The following ANK1 variants were observed in gnomAD, a reference collection of about 807,000 sequenced individuals.
ANK1 encodes ankyrin-1.
A neutral mutation model predicts 210.4 loss-of-function variants in ANK1; 51 were observed. The ratio of observed to expected loss-of-function variants is 0.24; its 90% CI spans 0.19 to 0.31. ANK1 has a LOEUF of 0.31. Among genes scored for constraint, ANK1 ranks in the 10% least tolerant of loss-of-function variants. The pLI, the probability that ANK1 is intolerant of heterozygous loss-of-function variation, is 1.00. For synonymous variants in ANK1, 967 were observed against 1,025.9 expected (o/e 0.94, Z 1.10); for missense variants, 2,051 against 2,504.4 (o/e 0.82, Z 3.86).
chr8:41,697,108 C>T (rs1289525256), intron 24 of ANK1, among the ~76,000 whole-genome samples: 1 of 152,156 alleles, frequency 6.6e-6, no homozygotes, highest in African/African-American at 2.4e-5. Context: ...CAGCTCTGCC[C>T]ATGGGGAGCC....
chr8:41,682,374 C>T (rs1275456233), intron 37 of ANK1, among the ~76,000 whole-genome samples: 1 of 152,238 alleles, frequency 6.6e-6, no homozygotes, highest in African/African-American at 2.4e-5. Flanking sequence ...TCTCCTGCAC[C>T]ATGCACGTTA....
chr8:41,690,122 C>T, intron 33 of ANK1, 105 bp downstream of exon 33: 1 of 1,555,424 alleles, frequency 6.4e-7, no homozygotes, highest in Non-Finnish European at 8.8e-7. Context: ...CTCTAAGCTT[C>T]CACCAGGAAG....
intron 1 of ANK1, among the ~76,000 whole-genome samples, chr8:41,809,951 T>A (rs781074438): frequency 1.4e-4 from 21 of 151,966 alleles, no homozygotes; most frequent in Non-Finnish European, 2.5e-4. Flanking sequence ...CGGCTGGTGG[T>A]CTCCCACCGT....
chr8:41,737,169 C>T (rs1301033338), intron 2 of ANK1, among the ~76,000 whole-genome samples: 8 of 152,016 alleles, frequency 5.3e-5, no homozygotes, highest in African/African-American at 9.7e-5. Flanking sequence ...TGTGGTGACA[C>T]GCGTCTGTAG....
intron 1 of ANK1, among the ~76,000 whole-genome samples, chr8:41,771,783 AAT>A (rs2150734664): frequency 6.6e-6 from 1 of 152,326 alleles, no homozygotes; most frequent in South Asian, 2.1e-4. Context: ...AAAGGGAAGA[AAT>A]AGACTATGCA....
chr8:41,661,309 C>T (rs1327090188), intron 42 of ANK1, 121 bp downstream of exon 42: 9 of 1,434,872 alleles, frequency 6.3e-6, no homozygotes, highest in Non-Finnish European at 8.5e-6. Flanking sequence ...CCTCGAGACA[C>T]AACAACAAGT....
chr8:41,694,797 C>T lies in ANK1; in HGVS notation c.3122G>A (p.Gly1041Glu), dbSNP rs1422890395. 2 of 1,613,932 alleles carry T rather than the reference C, an allele frequency of 1.2e-6. No homozygotes were observed. The highest frequency in any genetic ancestry group is 1.7e-6 in the Non-Finnish European group (2 of 1,179,990). ...QILNGMDEEL[G>E]SLEELEKKRV... Reference sequence around the variant, plus strand: ...CTTCTTCTCTAGCTCCTCCAGGCTCCCCAGCTCTGGAATCACACACACAGG... The same window carrying T: ...CTTCTTCTCTAGCTCCTCCAGGCTCTCCAGCTCTGGAATCACACACACAGG... Residue 1041 changes from glycine to glutamate, a missense_variant, in exon 28 of 43, where the codon GGG becomes GAG. Around this residue, in one of 6 missense-constraint regions of ANK1, gnomAD observed 1,413 missense variants for 1,707.4 expected, o/e 0.83. Coordinates refer to ENST00000289734, the MANE Select transcript of ANK1 (RefSeq NM_000037.4). The surrounding 1 kb of genome is among the most constrained non-coding windows in gnomAD (Gnocchi z 5.7).
At chr8:41,762,924 A>G (rs1370071824) in intron 1 of ANK1, among the ~76,000 whole-genome samples, 6 of 152,214 alleles carry the variant, frequency 3.9e-5, no homozygotes, top group African/African-American at 9.6e-5. Flanking sequence ...AAAGAAGAAT[A>G]TTTATGACAA....
At chr8:41,722,003 T>TAGC (rs1829398543) in intron 9 of ANK1, among the ~76,000 whole-genome samples, 1 of 152,260 alleles carries the variant, frequency 6.6e-6, no homozygotes, top group Admixed American at 6.5e-5. Context: ...GGGAATTTTC[T>TAGC]AATAATTTAA....
At chr8:41,720,407 T>A (rs1362409419) in intron 9 of ANK1, among the ~76,000 whole-genome samples, 2 of 152,138 alleles carry the variant, frequency 1.3e-5, no homozygotes, top group East Asian at 3.9e-4. Context: ...CTTGTCCCTA[T>A]CAAATGCAGT....
At chr8:41,777,087 A>C (rs1480095324) in intron 1 of ANK1, among the ~76,000 whole-genome samples, 1 of 152,166 alleles carries the variant, frequency 6.6e-6, no homozygotes, top group Admixed American at 6.5e-5. Flanking sequence ...TAACTATTTA[A>C]ATTTAAAAGG....
In ANK1 at chr8:41,822,110, G is replaced by A. The variant is rs1041935543; in HGVS notation, c.127-63973C>T. On this transcript the variant is annotated intron_variant, in intron 1 of 42. Transcript: ENST00000265709. ...AGAGAGAGAGAGAGAGAGAGAGAGAGAGAGAAAGAAAGAGAAAGAAAGAGA... is the reference window on the plus strand; with the variant it reads ...AGAGAGAGAGAGAGAGAGAGAGAGAAAGAGAAAGAAAGAGAAAGAAAGAGA... Among the ~76,000 whole-genome samples the A allele has an allele frequency of 2.1e-3, 72 of 33,778 alleles. 3 individuals carry two copies. The highest frequency in any genetic ancestry group is 2.4e-3 in the African/African-American group (22 of 8,984). 22.2% of individuals were successfully genotyped at this position (33,778 alleles called of 152,430 possible). A position where few individuals can be genotyped will look rare whatever the true frequency, so the allele number is the denominator to read the frequency against.
chr8:41,848,169 C>T (rs951121163), intron 1 of ANK1, among the ~76,000 whole-genome samples: 3 of 148,806 alleles, frequency 2.0e-5, no homozygotes, highest in African/African-American at 7.4e-5. Flanking sequence ...TGGGGGAATA[C>T]AGTGAGACTC....
intron 2 of ANK1, among the ~76,000 whole-genome samples, chr8:41,735,705 C>T (rs493915): frequency 0.61 from 93,042 of 152,090 alleles, 28,638 homozygotes; most frequent in East Asian, 0.75. Flanking sequence ...TGCATTAGCC[C>T]ATTCACAGAT....
chr8:41,822,960 C>T (rs1308682788), intron 1 of ANK1, among the ~76,000 whole-genome samples: 1 of 152,206 alleles, frequency 6.6e-6, no homozygotes, highest in Non-Finnish European at 1.5e-5. Context: ...TCGCTGAGCA[C>T]CGCTGAGCCT....
intron 1 of ANK1, among the ~76,000 whole-genome samples, chr8:41,803,137 A>AGGAAAGGAAG (rs1210538591): frequency 3.7e-4 from 26 of 70,868 alleles, no homozygotes; most frequent in South Asian, 1.1e-3. Context: ...AGGAAAGGAA[A>AGGAAAGGAAG]GAAAGGAAAG....
At chr8:41,725,641 T>C in intron 6 of ANK1, 120 bp downstream of exon 6, 1 of 1,384,808 alleles carries the variant, frequency 7.2e-7, no homozygotes, top group Non-Finnish European at 9.8e-7. Context: ...GGGCGCTCAG[T>C]GCGCACTGCC....
intron 42 of ANK1, among the ~76,000 whole-genome samples, chr8:41,659,465 T>C (rs776592058): frequency 2.0e-5 from 3 of 152,142 alleles, no homozygotes; most frequent in Non-Finnish European, 4.4e-5. Flanking sequence ...TACAGATAAA[T>C]GTTAGCGAGT....
chr8:41,812,837 T>C (rs1296062281), intron 1 of ANK1, among the ~76,000 whole-genome samples: 1 of 152,140 alleles, frequency 6.6e-6, no homozygotes, highest in African/African-American at 2.4e-5. Context: ...ACAATGGGGT[T>C]AACACTCCTA....
Sources: allele counts gnomAD v4.1 joint callset (sites outside exome capture counted in the v4.1 genomes callset), GRCh38; gene constraint gnomAD v4.1.1; regional missense constraint gnomAD v4.1.1; non-coding constraint Gnocchi (gnomAD v3.1); transcripts MANE v1.5; gene names NCBI Gene and HGNC (gene_info 2026-07-23, HGNC 2026-07-21).